Variants in ZNF385D observed in about 807,000 individuals in gnomAD.
ZNF385D encodes zinc finger protein 385D.
ZNF385D carries 15 observed loss-of-function variants against 35.8 expected under a neutral mutation model. That is an observed-to-expected ratio of 0.42 (90% CI 0.28 to 0.64). The LOEUF is 0.64. Among genes scored for constraint, ZNF385D ranks in the 30% least tolerant of loss-of-function variants. The pLI is 0.23. For synonymous variants in ZNF385D, 212 were observed against 186.8 expected (o/e 1.13, Z -1.10); for missense variants, 474 against 494.6 (o/e 0.96, Z 0.39).
chr3:22,006,990 G>C (rs934616869), intron 3 of ZNF385D, among the ~76,000 whole-genome samples: 5 of 151,986 alleles, frequency 3.3e-5, no homozygotes. Flanking sequence ...CCTAGGGAAG[G>C]TATGAAACTG....
chr3:22,254,863 T>A (rs1201484849), intron 2 of ZNF385D, among the ~76,000 whole-genome samples: 2 of 151,840 alleles, frequency 1.3e-5, no homozygotes, highest in African/African-American at 4.8e-5. Flanking sequence ...TTGTGCTTAG[T>A]CCCTGTGTTA....
chr3:22,199,897 C>A (rs1452980832), intron 2 of ZNF385D, among the ~76,000 whole-genome samples: 1 of 152,032 alleles, frequency 6.6e-6, no homozygotes, highest in Non-Finnish European at 1.5e-5. Context: ...CAAACAATAA[C>A]AATAGCAATG....
Position 21,465,352 on chromosome 3 carries a change from A to C in ZNF385D, c.440-28149T>G, listed in dbSNP as rs2125324828. On this transcript the variant is annotated intron_variant, in intron 4 of 7. Coordinates refer to ENST00000281523, the MANE Select transcript of ZNF385D (RefSeq NM_024697.3). The surrounding 1 kb of genome is among the most constrained non-coding windows in gnomAD (Gnocchi z 4.2). ...TCTCATCACTGAATATTTTGGTCTA[A>C]CAAAGCCATATATAATCCCAATTAA... 6.6e-6 allele frequency among the ~76,000 whole-genome samples: 1 copy of C among 152,330 alleles called. No individual in the cohort carries two copies. Among genetic ancestry groups the C allele is most frequent in the Middle Eastern group, 3.4e-3 (1 of 294 alleles).
At chr3:21,447,634 T>G (rs574341123) in intron 4 of ZNF385D, among the ~76,000 whole-genome samples, 2 of 152,332 alleles carry the variant, frequency 1.3e-5, no homozygotes, top group African/African-American at 4.8e-5. Context: ...GTCCTTACTA[T>G]CCACGATATC....
intron 3 of ZNF385D, among the ~76,000 whole-genome samples, chr3:22,115,256 T>C (rs1313864961): frequency 1.3e-5 from 2 of 152,070 alleles, no homozygotes; most frequent in Non-Finnish European, 2.9e-5. Flanking sequence ...GGGAGAATGT[T>C]AGACATTACA....
intron 3 of ZNF385D, among the ~76,000 whole-genome samples, chr3:22,101,842 A>G (rs1185608657): frequency 1.3e-5 from 2 of 151,970 alleles, no homozygotes; most frequent in African/African-American, 4.8e-5. Context: ...ATTTTAAATC[A>G]TCTGGTGACT....
At chr3:21,671,870 C>T (rs184712382) in intron 1 of ZNF385D, among the ~76,000 whole-genome samples, 92 of 152,268 alleles carry the variant, frequency 6.0e-4, no homozygotes, top group Admixed American at 1.9e-3. Context: ...AACATGCTGG[C>T]ACTGCCTTAT....
chr3:21,769,171 C>T (rs999010195), intron 3 of ZNF385D, among the ~76,000 whole-genome samples: 2 of 152,012 alleles, frequency 1.3e-5, no homozygotes, highest in African/African-American at 2.4e-5. Flanking sequence ...TGAAAACTGG[C>T]ACAAGACAGG....
rs1424105318 is a variant in ZNF385D at position 21,795,002 on chromosome 3, C to A, written c.326-129974G>T. 2.0e-5 allele frequency among the ~76,000 whole-genome samples: 3 copies of A among 152,120 alleles called. 1 individual carries two copies. The highest frequency in any genetic ancestry group is 4.8e-5 in the African/African-American group (2 of 41,404). On this transcript the variant is annotated intron_variant, in intron 3 of 5. Coordinates refer to the ZNF385D transcript ENST00000494108. ...ATAAAGCTTAATATTTTTACTAATA[C>A]TCTCATAGTCAGTGTCCGCTGTAGG...
At chr3:21,897,352 T>C (rs1575861971) in intron 3 of ZNF385D, among the ~76,000 whole-genome samples, 2 of 152,270 alleles carry the variant, frequency 1.3e-5, no homozygotes, top group East Asian at 1.9e-4. Context: ...TAAGAACATA[T>C]ACCTCAAACA....
intron 2 of ZNF385D, among the ~76,000 whole-genome samples, chr3:22,300,568 A>G (rs1278667602): frequency 6.6e-6 from 1 of 151,978 alleles, no homozygotes. Context: ...CCCAACATAT[A>G]TAACAAACTC....
At chr3:22,035,576 T>C (rs2125491667) in intron 3 of ZNF385D, among the ~76,000 whole-genome samples, 1 of 152,278 alleles carries the variant, frequency 6.6e-6, no homozygotes, top group African/African-American at 2.4e-5. Context: ...TAAGTAATTG[T>C]CTTTGATGAA....
chr3:21,875,232 T>A (rs926026075), intron 3 of ZNF385D, among the ~76,000 whole-genome samples: 10 of 148,746 alleles, frequency 6.7e-5, no homozygotes, highest in South Asian at 2.2e-4. Context: ...CCAATATGAA[T>A]GTCTTTTTAT....
intron 2 of ZNF385D, among the ~76,000 whole-genome samples, chr3:22,342,979 T>C (rs956497522): frequency 5.9e-5 from 9 of 152,350 alleles, no homozygotes; most frequent in African/African-American, 2.2e-4. Context: ...AATTGAGATG[T>C]GCTGTTATGA....
chr3:22,346,620 G>T (rs1057158363), intron 2 of ZNF385D, among the ~76,000 whole-genome samples: 2 of 152,074 alleles, frequency 1.3e-5, no homozygotes, highest in African/African-American at 4.8e-5. Context: ...TCTAAACCCA[G>T]GCAGTGGACA....
chr3:22,155,101 C>T (rs962923827), intron 3 of ZNF385D, among the ~76,000 whole-genome samples: 8 of 152,046 alleles, frequency 5.3e-5, no homozygotes, highest in African/African-American at 1.9e-4. Context: ...AGAATTGCAA[C>T]TTCTTAATTG....
chr3:22,044,276 T>C (rs1413547807), intron 3 of ZNF385D, among the ~76,000 whole-genome samples: 1 of 152,020 alleles, frequency 6.6e-6, no homozygotes, highest in African/African-American at 2.4e-5. Context: ...ATGGGACCAG[T>C]CGTCTTTGGA....
chr3:22,098,568 G>C lies in ZNF385D; in HGVS notation c.325+70249C>G, dbSNP rs567246610. 2.0e-5 allele frequency among the ~76,000 whole-genome samples: 3 copies of C among 152,104 alleles called. No individual in the cohort carries two copies. The East Asian group carries it at 5.8e-4, about 30-fold the overall frequency. Reference sequence around the variant, plus strand: ...GGTCATTTTAACAACAGCAAGTAGAGGATTTTAAAGTTTCTATTTTTATTT... The same window carrying C: ...GGTCATTTTAACAACAGCAAGTAGACGATTTTAAAGTTTCTATTTTTATTT... On this transcript the variant is annotated intron_variant, in intron 3 of 5. Transcript: ENST00000494108.
intron 2 of ZNF385D, among the ~76,000 whole-genome samples, chr3:22,268,879 T>G (rs960776466): frequency 6.6e-6 from 1 of 151,842 alleles, no homozygotes; most frequent in African/African-American, 2.4e-5. Context: ...ATCTGGAAAA[T>G]AGTGGGGGTG....
Sources: gnomAD v4.1 joint callset for allele counts (sites outside exome capture counted in the v4.1 genomes callset) on GRCh38, gnomAD v4.1.1 for gene constraint, Gnocchi (gnomAD v3.1) non-coding constraint, MANE v1.5 for transcripts, NCBI Gene and HGNC (gene_info 2026-07-23, HGNC 2026-07-21) for gene names.